KIF1B: variants seen among roughly 807,000 people sequenced by gnomAD.
The protein encoded by KIF1B is kinesin family member 1B, also known as kinesin-like protein KIF1B.
In KIF1B, 76 loss-of-function variants were observed where a neutral mutation model predicts 241.9. That is an observed-to-expected ratio of 0.31 (90% CI 0.26 to 0.38). The LOEUF is 0.38. Ranked by LOEUF, KIF1B falls within the 10% of genes least tolerant of loss-of-function variation. The pLI is 1.00. For synonymous variants in KIF1B, 750 were observed against 796.7 expected, an observed-to-expected ratio of 0.94 and a Z score of 0.99; for missense variants, 1,622 against 2,271.4, an observed-to-expected ratio of 0.71 and a Z score of 5.81.
intron 2 of KIF1B, among the ~76,000 whole-genome samples, chr1:10,241,249 T>G (rs532355301): frequency 6.6e-6 from 1 of 151,992 alleles, no homozygotes; most frequent in South Asian, 2.1e-4. Context: ...TAGCTGGGGC[T>G]ACAGCCACCA....
chr1:10,292,712 G>T (rs539275933), intron 17 of KIF1B, among the ~76,000 whole-genome samples: 1 of 152,254 alleles, frequency 6.6e-6, no homozygotes, highest in South Asian at 2.1e-4. Context: ...AAGTAGTTAC[G>T]TAGCTTTTAG....
At chr1:10,244,975 C>G (rs1296859724) in intron 2 of KIF1B, among the ~76,000 whole-genome samples, 2 of 152,128 alleles carry the variant, frequency 1.3e-5, no homozygotes, top group Non-Finnish European at 2.9e-5. Flanking sequence ...GAAGATGTCA[C>G]TGGGATTTTT....
At chr1:10,292,937 A>G (rs1033543507) in intron 17 of KIF1B, among the ~76,000 whole-genome samples, 1 of 152,184 alleles carries the variant, frequency 6.6e-6, no homozygotes, top group Admixed American at 6.5e-5. Flanking sequence ...AGACTTAAAC[A>G]TCTTTATTCA....
chr1:10,241,562 A>T (rs1647137170), intron 2 of KIF1B, among the ~76,000 whole-genome samples: 2 of 152,172 alleles, frequency 1.3e-5, no homozygotes, highest in Admixed American at 1.3e-4. Context: ...ACCTAAATAA[A>T]TATTTTTCAC....
intron 7 of KIF1B, among the ~76,000 whole-genome samples, chr1:10,269,524 A>C (rs1221118684): frequency 6.6e-6 from 1 of 150,574 alleles, no homozygotes; most frequent in Non-Finnish European, 1.5e-5. Context: ...CAAAAAAAAA[A>C]AAAAACACAC....
intron 1 of KIF1B, among the ~76,000 whole-genome samples, chr1:10,226,500 G>C (rs1231580759): frequency 1.3e-5 from 2 of 152,090 alleles, no homozygotes; most frequent in Non-Finnish European, 2.9e-5. Context: ...CAACACTTTG[G>C]TAGGTCCTAG....
At chr1:10,226,193 C>A (rs1646906369) in intron 1 of KIF1B, among the ~76,000 whole-genome samples, 1 of 151,932 alleles carries the variant, frequency 6.6e-6, no homozygotes, top group African/African-American at 2.4e-5. Flanking sequence ...AAGCTTTTAG[C>A]CTGTGTGAGA....
intron 12 of KIF1B, among the ~76,000 whole-genome samples, chr1:10,276,672 G>T (rs41280818): frequency 6.6e-5 from 10 of 152,256 alleles, no homozygotes; most frequent in Non-Finnish European, 1.5e-4. Context: ...TCATAGGAAA[G>T]ATTTTTAAAT....
chr1:10,351,973 A>C (rs939874122), intron 37 of KIF1B, among the ~76,000 whole-genome samples: 1 of 62,164 alleles, frequency 1.6e-5, no homozygotes, highest in African/African-American at 5.9e-5. Flanking sequence ...ACATTGTTTC[A>C]AAAAAAAAAA....
chr1:10,263,801 G>A (rs1368484093), intron 5 of KIF1B, among the ~76,000 whole-genome samples: 1 of 152,166 alleles, frequency 6.6e-6, no homozygotes, highest in Non-Finnish European at 1.5e-5. Flanking sequence ...AACTTGGAGT[G>A]GAGCATAGAT....
Position 10,282,363 on chromosome 1 carries a change from G to A in KIF1B, c.1264G>A (p.Ala422Thr), listed in dbSNP as rs748284708. The change falls in exon 15 of 49, where the codon GCC (alanine) becomes ACC (threonine). Residue 422 changes from alanine (A) to threonine (T), a missense_variant. Transcript: ENST00000676179. ...GAACAATAAGCATAGATACTTGCTA[G>A]CCTCTGAGAATCAACGCCCTGGCCA... ...FQNNKHRYLLASENQRPGHFS... is the reference protein window; with the variant it reads ...FQNNKHRYLLTSENQRPGHFS... 1.2e-6 allele frequency: 2 copies of A among 1,614,014 alleles called. No individual in the cohort carries two copies. Among genetic ancestry groups the A allele is most frequent in the East Asian group, 4.5e-5 (2 of 44,884 alleles).
chr1:10,318,304 C>T (rs1557710755), intron 22 of KIF1B, among the ~76,000 whole-genome samples: 1 of 151,438 alleles, frequency 6.6e-6, no homozygotes, highest in Non-Finnish European at 1.5e-5. Flanking sequence ...TGGCTTTCAG[C>T]AGTGCTTTAT....
intron 17 of KIF1B, among the ~76,000 whole-genome samples, chr1:10,292,546 C>T (rs1299624014): frequency 2.0e-5 from 3 of 152,216 alleles, no homozygotes; most frequent in East Asian, 1.9e-4. Context: ...GAGAATAATA[C>T]TGCTTCCATT....
chr1:10,226,972 A>AAAC (rs1646916103), intron 1 of KIF1B, among the ~76,000 whole-genome samples: 3 of 146,678 alleles, frequency 2.0e-5, no homozygotes, highest in Non-Finnish European at 3.0e-5. Flanking sequence ...CCCTGTCTCA[A>AAAC]AAACAAACAA....
intron 17 of KIF1B, among the ~76,000 whole-genome samples, chr1:10,294,015 C>T (rs1193516094): frequency 6.6e-6 from 1 of 152,174 alleles, no homozygotes; most frequent in Non-Finnish European, 1.5e-5. Flanking sequence ...TCTTCAACTA[C>T]AAAGGGGGAT....
At chr1:10,212,963 T>G (rs1646717825) in intron 1 of KIF1B, among the ~76,000 whole-genome samples, 1 of 147,590 alleles carries the variant, frequency 6.8e-6, no homozygotes, top group Non-Finnish European at 1.5e-5. Context: ...TTGGATAGCT[T>G]TTGCTAAGCA....
chr1:10,342,319 C>G (rs1652427317), intron 33 of KIF1B, 151 bp downstream of exon 33: 4 of 681,980 alleles, frequency 5.9e-6, no homozygotes, highest in South Asian at 3.3e-5. Context: ...TCACTATCAT[C>G]TTATAGCCAC....
At chr1:10,232,653 T>C (rs1268400900) in intron 2 of KIF1B, among the ~76,000 whole-genome samples, 2 of 152,180 alleles carry the variant, frequency 1.3e-5, no homozygotes, top group Non-Finnish European at 2.9e-5. Context: ...AAACCCTGAA[T>C]AACTGAACTA....
chr1:10,261,033 A>G (rs1044178469), intron 4 of KIF1B, among the ~76,000 whole-genome samples: 3 of 150,926 alleles, frequency 2.0e-5, no homozygotes, highest in East Asian at 2.0e-4. Context: ...GTGGCGCCCT[A>G]TCAGCTCACT....
Sources: allele counts gnomAD v4.1 joint callset (sites outside exome capture counted in the v4.1 genomes callset), GRCh38; gene constraint gnomAD v4.1.1; transcripts MANE v1.5; gene names NCBI Gene and HGNC (gene_info 2026-07-23, HGNC 2026-07-21).